SLC9D1: variants seen among roughly 807,000 people sequenced by gnomAD.
SLC9D1 encodes solute carrier family 9 member D1, also known as putative LAG1-interacting protein.
the SLC9D1 span, among the ~76,000 whole-genome samples, chr13:113,537,634 G>A: frequency 2.0e-5 from 3 of 152,094 alleles, no homozygotes; most frequent in Non-Finnish European, 2.9e-5. Flanking sequence ...TGTTTTCTTC[G>A]TGGCTATCTT....
the SLC9D1 span, among the ~76,000 whole-genome samples, chr13:113,544,201 C>T: frequency 1.3e-5 from 2 of 152,232 alleles, no homozygotes; most frequent in African/African-American, 2.4e-5. Flanking sequence ...GGCTGGCAGG[C>T]GTCGCTCTCA....
At chr13:113,544,062 A>T in the SLC9D1 span, among the ~76,000 whole-genome samples, 1 of 152,224 alleles carries the variant, frequency 6.6e-6, no homozygotes, top group Non-Finnish European at 1.5e-5. Flanking sequence ...GGGACCCGAT[A>T]TCCACTTCAG....
the SLC9D1 span, chr13:113,499,900 C>T: frequency 9.1e-7 from 1 of 1,098,816 alleles, no homozygotes; most frequent in South Asian, 2.9e-5. Flanking sequence ...AGCGTTCATT[C>T]TCCAAAAATT....
At chr13:113,501,498 C>T in the SLC9D1 span, among the ~76,000 whole-genome samples, 16 of 152,092 alleles carry the variant, frequency 1.1e-4, no homozygotes, top group Admixed American at 2.6e-4. Flanking sequence ...GGAACCACTG[C>T]CCCAAAGATA....
the SLC9D1 span, among the ~76,000 whole-genome samples, chr13:113,517,334 G>A: frequency 7.2e-5 from 11 of 152,134 alleles, no homozygotes; most frequent in Admixed American, 3.3e-4. Context: ...CCGGGTTCAC[G>A]CCATTCTCCT....
chr13:113,491,729 C>T, the SLC9D1 span, among the ~76,000 whole-genome samples: 10 of 152,336 alleles, frequency 6.6e-5, no homozygotes, highest in African/African-American at 2.2e-4. Flanking sequence ...GACTCGGGGC[C>T]TCCAGGGCCG....
the SLC9D1 span, chr13:113,520,659 G>T: frequency 6.2e-7 from 1 of 1,614,018 alleles, no homozygotes; most frequent in Non-Finnish European, 8.5e-7. Context: ...TGCTGGTGAC[G>T]CAGGACGTGC....
the SLC9D1 span, chr13:113,536,621 C>T: frequency 5.5e-5 from 54 of 981,130 alleles, no homozygotes; most frequent in South Asian, 1.9e-4. Flanking sequence ...TGACTCTGCC[C>T]GGCTCTCAGG....
the SLC9D1 span, among the ~76,000 whole-genome samples, chr13:113,491,563 C>T: frequency 6.6e-6 from 1 of 152,034 alleles, no homozygotes; most frequent in Non-Finnish European, 1.5e-5. Context: ...TCTCTCTCCT[C>T]GGGGCTCCCC....
At chr13:113,549,303 AG>A in the SLC9D1 span, 1 of 1,120,674 alleles carries the variant, frequency 8.9e-7, no homozygotes, top group Admixed American at 2.1e-5. Context: ...GACTGTGCTC[AG>A]CCTCAGGACT....
the SLC9D1 span, chr13:113,505,224 A>G: frequency 6.6e-6 from 1 of 152,016 alleles, no homozygotes; most frequent in Non-Finnish European, 1.5e-5. Context: ...GGATGTATAG[A>G]TTGTGGAGAT....
the SLC9D1 span, chr13:113,527,231 A>T: frequency 6.6e-6 from 1 of 152,158 alleles, no homozygotes; most frequent in Admixed American, 6.5e-5. Flanking sequence ...GGAAAAGGAT[A>T]ATCTCTTCTT....
At chr13:113,522,592 G>A in the SLC9D1 span, among the ~76,000 whole-genome samples, 24 of 151,936 alleles carry the variant, frequency 1.6e-4, no homozygotes, top group Admixed American at 3.9e-4. Flanking sequence ...TACCCACCTC[G>A]GCCTCCCAAA....
At chr13:113,538,896 G>A in the SLC9D1 span, among the ~76,000 whole-genome samples, 1 of 152,192 alleles carries the variant, frequency 6.6e-6, no homozygotes, top group Non-Finnish European at 1.5e-5. Flanking sequence ...CAGATCAGCC[G>A]CCGTGGACAC....
the SLC9D1 span, among the ~76,000 whole-genome samples, chr13:113,541,188 TG>T: frequency 2.6e-5 from 4 of 152,236 alleles, no homozygotes; most frequent in Non-Finnish European, 5.9e-5. Flanking sequence ...CTTTGGCTGT[TG>T]GGGCTCTTTA....
chr13:113,520,613 C>T, the SLC9D1 span: 1 of 1,607,332 alleles, frequency 6.2e-7, no homozygotes, highest in Non-Finnish European at 8.5e-7. Flanking sequence ...TTTCCCCCCA[C>T]AGGCGACATT....
chr13:113,538,970 C>T, the SLC9D1 span, among the ~76,000 whole-genome samples: 1 of 152,240 alleles, frequency 6.6e-6, no homozygotes, highest in Non-Finnish European at 1.5e-5. Flanking sequence ...GTCGCTTTCT[C>T]TCTGCTTTGA....
chr13:113,491,999 A>G, the SLC9D1 span, among the ~76,000 whole-genome samples: 1 of 152,230 alleles, frequency 6.6e-6, no homozygotes, highest in Admixed American at 6.5e-5. Flanking sequence ...CTTGACTTAA[A>G]TATTCTAAAG....
chr13:113,499,065 G>C, the SLC9D1 span, among the ~76,000 whole-genome samples: 675 of 152,316 alleles, frequency 4.4e-3, 3 homozygotes, highest in Non-Finnish European at 7.7e-3. Context: ...GAAAGGGGTG[G>C]CGGTTTACTA....
Sources: gnomAD v4.1 joint callset for allele counts (sites outside exome capture counted in the v4.1 genomes callset) on GRCh38, gnomAD v4.1.1 for gene constraint, MANE v1.5 for transcripts, NCBI Gene and HGNC (gene_info 2026-07-23, HGNC 2026-07-21) for gene names.